KSR1: variants seen among roughly 807,000 people sequenced by gnomAD.
KSR1 encodes kinase suppressor of ras.
In KSR1, 35 loss-of-function variants were observed where a neutral mutation model predicts 92.9. The ratio of observed to expected loss-of-function variants is 0.38; its 90% confidence interval spans 0.29 to 0.50. KSR1 has a LOEUF of 0.50. KSR1 is among the 20% of genes least tolerant of loss of function. The pLI, the probability that KSR1 is intolerant of heterozygous loss-of-function variation, is 0.94. For missense variants in KSR1, 972 were observed against 1,158.5 expected (o/e 0.84, Z 2.34); for synonymous variants, 467 against 472.6 (o/e 0.99, Z 0.15).
At position 27,495,289 on chromosome 17, in the gene KSR1, T is replaced by C. The variant is rs541201893; in HGVS notation, c.231+38415T>C. 2.0e-5 allele frequency among the ~76,000 whole-genome samples: 3 copies of C among 152,302 alleles called. No individual in the cohort carries two copies. The East Asian group carries it at 5.8e-4, about 29-fold the overall frequency. On this transcript the variant is annotated intron_variant, in intron 1 of 20. Coordinates refer to ENST00000644974, the MANE Select transcript of KSR1 (RefSeq NM_001394583.1). Reference sequence around the variant, plus strand: ...TACTGATCTCGCACTTTCCTGGCCTTGTCCAACATCTTGGGAGGCAGAAAA... The same window carrying C: ...TACTGATCTCGCACTTTCCTGGCCTCGTCCAACATCTTGGGAGGCAGAAAA...
intron 19 of KSR1, 114 bp downstream of exon 19, chr17:27,617,542 T>C: frequency 1.6e-6 from 2 of 1,284,768 alleles, no homozygotes; most frequent in Non-Finnish European, 2.1e-6. Flanking sequence ...TGGGGTTTTT[T>C]TTGAGACAGA....
At chr17:27,464,070 A>G (rs77427960) in intron 1 of KSR1, among the ~76,000 whole-genome samples, 2 of 152,162 alleles carry the variant, frequency 1.3e-5, no homozygotes, top group Admixed American at 6.5e-5. Flanking sequence ...CACACCCTTG[A>G]TTAAGACATT....
At chr17:27,581,928 CT>C (rs1306039656) in intron 3 of KSR1, among the ~76,000 whole-genome samples, 1 of 152,192 alleles carries the variant, frequency 6.6e-6, no homozygotes, top group African/African-American at 2.4e-5. Flanking sequence ...CTTCCTGGAT[CT>C]TTTTTCACAA....
At chr17:27,617,077 AGGTGAGGTAATCTCAT>A (rs2151264713) in intron 18 of KSR1, among the ~76,000 whole-genome samples, 1 of 152,284 alleles carries the variant, frequency 6.6e-6, no homozygotes, top group South Asian at 2.1e-4. Flanking sequence ...AGAAGGAAGG[AGGTGAGGTAATCTCAT>A]GCATTCCATG....
chr17:27,613,336 T>G (rs1041895482), intron 18 of KSR1: 3 of 152,328 alleles, frequency 2.0e-5, no homozygotes, highest in African/African-American at 7.2e-5. Flanking sequence ...TCCAGGTTCT[T>G]GTCTCATGAC....
chr17:27,508,709 T>TTTTA (rs60879548), intron 1 of KSR1, among the ~76,000 whole-genome samples: 1,970 of 138,306 alleles, frequency 0.014, 35 homozygotes, highest in Admixed American at 0.048. Context: ...CCTGAATTTT[T>TTTTA]TTTATTTATT....
chr17:27,462,258 G>A (rs1286242520), intron 1 of KSR1, among the ~76,000 whole-genome samples: 2 of 152,242 alleles, frequency 1.3e-5, no homozygotes, highest in Admixed American at 1.3e-4. Flanking sequence ...GACTGTCTTA[G>A]CAGGTGGTTG....
At chr17:27,467,643 C>T (rs1203154316) in intron 1 of KSR1, among the ~76,000 whole-genome samples, 5 of 152,106 alleles carry the variant, frequency 3.3e-5, no homozygotes, top group African/African-American at 4.8e-5. Flanking sequence ...ATCCTTGGTC[C>T]GTGGTGGGTC....
intron 2 of KSR1, among the ~76,000 whole-genome samples, chr17:27,565,667 C>T (rs981203435): frequency 1.5e-4 from 23 of 152,154 alleles, no homozygotes; most frequent in African/African-American, 7.2e-5. Context: ...TCAAGCAGTC[C>T]ACCTGCCTCA....
intron 1 of KSR1, among the ~76,000 whole-genome samples, chr17:27,519,587 G>A (rs1936479939): frequency 6.6e-6 from 1 of 152,192 alleles, no homozygotes; most frequent in Non-Finnish European, 1.5e-5. Flanking sequence ...GTCAGTCCCG[G>A]GACCCCAGCT....
chr17:27,565,435 T>G (rs1334729034), intron 2 of KSR1, among the ~76,000 whole-genome samples: 1 of 152,188 alleles, frequency 6.6e-6, no homozygotes, highest in Non-Finnish European at 1.5e-5. Flanking sequence ...TTATGTTTAT[T>G]TAGTTTTGAG....
intron 4 of KSR1, among the ~76,000 whole-genome samples, chr17:27,584,579 C>G (rs938652796): frequency 1.3e-5 from 2 of 152,196 alleles, no homozygotes; most frequent in African/African-American, 4.8e-5. Flanking sequence ...CCAAGAAGAG[C>G]ATTAGGAAAG....
rs796395478 is a variant in KSR1, at chr17:27,465,864, GA to G, written c.231+9000del. ...GTGCACACACAGTTTTGCCAATAAG[GA>G]AAAAAAAAAGCCACCTGAATGTTCC... On this transcript the variant is annotated intron_variant, in intron 1 of 20. Transcript: ENST00000644974. Among the ~76,000 whole-genome samples, 615 of 147,290 alleles carry G rather than the reference GA, an allele frequency of 4.2e-3. 7 individuals carry two copies. Among genetic ancestry groups the G allele is most frequent in the African/African-American group, 0.014 (583 of 40,212 alleles).
At chr17:27,594,258 C>T (rs1189632159) in intron 9 of KSR1, among the ~76,000 whole-genome samples, 2 of 152,240 alleles carry the variant, frequency 1.3e-5, no homozygotes, top group African/African-American at 4.8e-5. Flanking sequence ...TTGTAGGGAG[C>T]AGTACCATAT....
At chr17:27,511,784 G>A (rs1012824409) in intron 1 of KSR1, among the ~76,000 whole-genome samples, 1 of 152,218 alleles carries the variant, frequency 6.6e-6, no homozygotes, top group African/African-American at 2.4e-5. Flanking sequence ...TCTGCATCCC[G>A]TCTCACCGGC....
At chr17:27,536,732 G>A (rs1247693958) in intron 1 of KSR1, among the ~76,000 whole-genome samples, 1 of 152,214 alleles carries the variant, frequency 6.6e-6, no homozygotes, top group Non-Finnish European at 1.5e-5. Context: ...GATCTGGAGG[G>A]TCTAAGAAGG....
chr17:27,609,849 G>T, intron 16 of KSR1: 1 of 506,056 alleles, frequency 2.0e-6, no homozygotes, highest in Non-Finnish European at 3.5e-6. Context: ...ATCCATTCTT[G>T]CCCTGCTTTT....
chr17:27,620,646 C>T (rs1031009944), intron 19 of KSR1, among the ~76,000 whole-genome samples: 1 of 152,138 alleles, frequency 6.6e-6, no homozygotes, highest in Non-Finnish European at 1.5e-5. Flanking sequence ...ACTATCCCAG[C>T]AGAGACCAGG....
At chr17:27,456,988 G>A in intron 1 of KSR1, 114 bp downstream of exon 1, 2 of 684,214 alleles carry the variant, frequency 2.9e-6, no homozygotes, top group Non-Finnish European at 5.3e-6. Context: ...CCCCTTGGAG[G>A]CTTCCCCTCC....
Sources: gnomAD v4.1 joint callset for allele counts (sites outside exome capture counted in the v4.1 genomes callset) on GRCh38, gnomAD v4.1.1 for gene constraint, MANE v1.5 for transcripts, NCBI Gene and HGNC (gene_info 2026-07-23, HGNC 2026-07-21) for gene names.